The following TPD52 variants were observed in gnomAD, a reference collection of about 807,000 sequenced individuals.
TPD52 encodes prostate and colon associated protein.
In TPD52, 17 loss-of-function variants were observed where a neutral mutation model predicts 31.3. The observed-to-expected ratio is 0.54, with a 90% CI of 0.37 to 0.82. The LOEUF (loss-of-function observed/expected upper bound fraction) is 0.82, where lower values mean the gene tolerates loss of function less well. Ranked by LOEUF, TPD52 falls within the 40% of genes least tolerant of loss-of-function variation. The probability of loss-of-function intolerance (pLI) is 0.00; values close to 1 mark genes in which losing one functional copy is unlikely to be tolerated. For synonymous variants in TPD52, 83 were observed against 89.6 expected, an observed-to-expected ratio of 0.93 and a Z score of 0.42; for missense variants, 212 against 240.1, an observed-to-expected ratio of 0.88 and a Z score of 0.77.
intron 5 of TPD52, among the ~76,000 whole-genome samples, chr8:80,048,333 A>T (rs1045132221): frequency 1.3e-5 from 2 of 152,240 alleles, no homozygotes; most frequent in African/African-American, 4.8e-5. Flanking sequence ...TGCTGAGTCT[A>T]ACACATTCAG....
chr8:80,153,810 T>C (rs1398180850), intron 1 of TPD52, among the ~76,000 whole-genome samples: 1 of 152,254 alleles, frequency 6.6e-6, no homozygotes, highest in Non-Finnish European at 1.5e-5. Context: ...CCAGGGCTGA[T>C]GTGAGGGACA....
chr8:80,064,700 C>A, intron 1 of TPD52, 107 bp from the exon 2 acceptor site: 1 of 780,364 alleles, frequency 1.3e-6, no homozygotes, highest in Non-Finnish European at 2.3e-6. Context: ...AGTAGATCCA[C>A]ACATCTCATC....
At chr8:80,143,084 A>G (rs1403484944) in intron 1 of TPD52, among the ~76,000 whole-genome samples, 1 of 152,230 alleles carries the variant, frequency 6.6e-6, no homozygotes, top group Non-Finnish European at 1.5e-5. Flanking sequence ...ACTATGAACC[A>G]TATGAACTAG....
intron 2 of TPD52, among the ~76,000 whole-genome samples, chr8:80,060,734 G>GA (rs1052687242): frequency 2.2e-5 from 3 of 138,430 alleles, no homozygotes; most frequent in Non-Finnish European, 3.1e-5. Context: ...TTCAATAGGT[G>GA]AAAAAAAAAG....
intron 1 of TPD52, among the ~76,000 whole-genome samples, chr8:80,151,008 C>G (rs1810532893): frequency 6.6e-6 from 1 of 152,176 alleles, no homozygotes; most frequent in South Asian, 2.1e-4. Flanking sequence ...CAAATCTCAT[C>G]TTGAATTGTA....
intron 1 of TPD52, among the ~76,000 whole-genome samples, chr8:80,069,523 ACACACAC>A: frequency 6.8e-6 from 1 of 147,818 alleles, no homozygotes; most frequent in East Asian, 2.1e-4. Flanking sequence ...ATGGTGGCTC[ACACACAC>A]CTGTAATCCC....
chr8:80,065,269 A>ATC lies in TPD52; in HGVS notation c.20-677_20-676insGA, dbSNP rs1257691062. 8.3e-3 allele frequency among the ~76,000 whole-genome samples: 1,193 copies of ATC among 144,316 alleles called. 10 individuals are homozygous for ATC. The highest frequency in any genetic ancestry group is 0.029 in the African/African-American group (1,148 of 39,300). The allele number at this position is 144,316 out of a possible 152,430, so 94.7% of individuals were successfully genotyped here. A position where few individuals can be genotyped will look rare whatever the true frequency, so the allele number is the denominator to read the frequency against. ...GATATAGATGATTATATCTATCTAT[A>ATC]TATATCTATATCTATATATCTATAT... On this transcript the variant is annotated intron_variant, in intron 1 of 7. Coordinates refer to ENST00000518937, the MANE Select transcript of TPD52 (RefSeq NM_001025253.3).
At chr8:80,058,808 A>C (rs766096794) in intron 2 of TPD52, among the ~76,000 whole-genome samples, 12 of 152,194 alleles carry the variant, frequency 7.9e-5, no homozygotes, top group Non-Finnish European at 1.3e-4. Flanking sequence ...CTCAAAAAAC[A>C]AAACAAAACA....
At chr8:80,116,004 A>G (rs1807838591) in intron 1 of TPD52, among the ~76,000 whole-genome samples, 1 of 152,236 alleles carries the variant, frequency 6.6e-6, no homozygotes, top group African/African-American at 2.4e-5. Flanking sequence ...ATATCATAGT[A>G]TAGAAAAATA....
Position 80,089,764 on chromosome 8 carries a change from C to A in TPD52, c.20-25171G>T, listed in dbSNP as rs139287267. On this transcript the variant is annotated intron_variant, in intron 1 of 7. Coordinates refer to ENST00000518937, the MANE Select transcript of TPD52 (RefSeq NM_001025253.3). ...TTTTATGGGGTAAGTTTTTCCCTAC[C>A]CTTATCTTACAACAAAACTGAGACA... 1.5e-3 allele frequency among the ~76,000 whole-genome samples: 234 copies of A among 152,278 alleles called. 1 individual carries two copies. Among genetic ancestry groups the A allele is most frequent in the African/African-American group, 5.4e-3 (224 of 41,556 alleles).
At chr8:80,052,468 AGTTTCCTGTAT>A (rs948064598) in intron 3 of TPD52, 3 of 346,470 alleles carry the variant, frequency 8.7e-6, no homozygotes, top group African/African-American at 6.6e-5. Flanking sequence ...TTGAAAAAAT[AGTTTCCTGTAT>A]GTTTTCCCAC....
intron 1 of TPD52, among the ~76,000 whole-genome samples, chr8:80,155,380 T>C (rs1226923630): frequency 6.6e-6 from 1 of 152,076 alleles, no homozygotes; most frequent in African/African-American, 2.4e-5. Context: ...ATTCAGCAAG[T>C]GCAACAATGC....
intron 3 of TPD52, 60 bp downstream of exon 3, chr8:80,053,222 C>A: frequency 1.3e-6 from 2 of 1,542,584 alleles, no homozygotes; most frequent in Non-Finnish European, 1.8e-6. Context: ...CCTCTCCAGA[C>A]AAAAGGCACA....
chr8:80,054,224 C>T (rs1811642031), intron 2 of TPD52, among the ~76,000 whole-genome samples: 1 of 152,146 alleles, frequency 6.6e-6, no homozygotes, highest in Non-Finnish European at 1.5e-5. Flanking sequence ...GCTGAAAAAA[C>T]TTGAAGAAGC....
chr8:80,070,478 C>T (rs1187983103), intron 1 of TPD52, among the ~76,000 whole-genome samples: 1 of 152,148 alleles, frequency 6.6e-6, no homozygotes, highest in Non-Finnish European at 1.5e-5. Flanking sequence ...TGTTCCACCT[C>T]AGATCATCAG....
At chr8:80,101,229 C>T (rs1806708930) in intron 1 of TPD52, among the ~76,000 whole-genome samples, 1 of 152,174 alleles carries the variant, frequency 6.6e-6, no homozygotes, top group Admixed American at 6.5e-5. Flanking sequence ...GGGCAGATCG[C>T]CTGAGGTTAG....
intron 1 of TPD52, among the ~76,000 whole-genome samples, chr8:80,147,343 G>C (rs928654210): frequency 1.3e-5 from 2 of 152,064 alleles, no homozygotes; most frequent in African/African-American, 4.8e-5. Context: ...TGAGGTTCCG[G>C]GAACTAAGAG....
chr8:80,110,309 T>G (rs1807414172), intron 1 of TPD52, among the ~76,000 whole-genome samples: 1 of 152,038 alleles, frequency 6.6e-6, no homozygotes, highest in Non-Finnish European at 1.5e-5. Flanking sequence ...AAATGTATAT[T>G]CAAAAACATC....
chr8:80,046,915 G>T (rs554345785), intron 5 of TPD52, among the ~76,000 whole-genome samples: 1 of 152,116 alleles, frequency 6.6e-6, no homozygotes, highest in Non-Finnish European at 1.5e-5. Flanking sequence ...AAGAGAGGAG[G>T]GGGTAGAGGG....
Sources: allele counts gnomAD v4.1 joint callset (sites outside exome capture counted in the v4.1 genomes callset), GRCh38; gene constraint gnomAD v4.1.1; transcripts MANE v1.5; gene names NCBI Gene and HGNC (gene_info 2026-07-23, HGNC 2026-07-21).